Variants in COL17A1 observed in about 807,000 individuals in gnomAD.
COL17A1 encodes collagen alpha-1(XVII) chain.
In COL17A1, 181 loss-of-function variants were observed where a neutral mutation model predicts 218.4. The observed-to-expected ratio is 0.83, with a 90% CI of 0.73 to 0.94. COL17A1 has a LOEUF of 0.94. Ranked by LOEUF, COL17A1 falls within the 40% of genes least tolerant of loss-of-function variation. The pLI is 0.00. For synonymous variants in COL17A1, 721 were observed against 731.0 expected, an observed-to-expected ratio of 0.99 and a Z score of 0.22; for missense variants, 1,924 against 1,945.9, an observed-to-expected ratio of 0.99 and a Z score of 0.21.
At chr10:104,047,833 G>A (rs1589563551) in intron 30 of COL17A1, 23 bp from the exon 31 acceptor site, 3 of 1,600,894 alleles carry the variant, frequency 1.9e-6, no homozygotes, top group Non-Finnish European at 1.7e-6. Flanking sequence ...TGGCCAACGT[G>A]GAAGTGTTTA....
chr10:104,052,598 C>T (rs1225545789), intron 23 of COL17A1, among the ~76,000 whole-genome samples: 3 of 152,296 alleles, frequency 2.0e-5, no homozygotes, highest in African/African-American at 7.2e-5. Context: ...CCTTCCCCAG[C>T]CTCTCCAGCA....
intron 28 of COL17A1, 91 bp downstream of exon 28, chr10:104,049,998 G>A: frequency 6.3e-7 from 1 of 1,592,892 alleles, no homozygotes; most frequent in Non-Finnish European, 8.6e-7. Flanking sequence ...AACAGATTCG[G>A]TCTCTTACTT....
intron 32 of COL17A1, among the ~76,000 whole-genome samples, chr10:104,046,382 A>T (rs1414940874): frequency 6.6e-6 from 1 of 152,172 alleles, no homozygotes; most frequent in African/African-American, 2.4e-5. Flanking sequence ...AACAAGGATG[A>T]GCGCCCATGC....
chr10:104,050,084 C>T lies in COL17A1; in HGVS notation c.2164+5G>A. On this transcript the variant is annotated splice_donor_5th_base_variant and intron_variant, in intron 28 of 55. Transcript: ENST00000648076. ...GATTAAAGTAGATTCCCATGACAGA[C>T]TGACCTGTGAGGCCTCGAGGTCCTT... The T allele has an allele frequency of 6.2e-7, 1 of 1,614,168 alleles. No homozygotes were observed. Among genetic ancestry groups the T allele is most frequent in the Admixed American group, 1.7e-5 (1 of 60,020 alleles).
Position 104,070,509 on chromosome 10 carries a change from G to A in COL17A1, c.524C>T (p.Pro175Leu), listed in dbSNP as rs1325950406. 1 of 1,613,986 alleles carries A rather than the reference G, an allele frequency of 6.2e-7. No homozygotes were observed. Among genetic ancestry groups the A allele is most frequent in the Non-Finnish European group, 8.5e-7 (1 of 1,180,024 alleles). The stretch of plus-strand genomic sequence containing the variant: ...GAGTGTGTTGGAGGAATTCCGGGTG[G>A]GGCTCACACTTGCCGATCGACTCCC... ...LKGSRSASVS[P>L]TRNSSNTLPI... The change falls in exon 9 of 56, where the codon CCC becomes CTC. Residue 175 changes from proline to leucine, a missense_variant. By Grantham distance (98) the Pro-to-Leu change is moderately conservative. Transcript: ENST00000648076.
At chr10:104,045,693 C>G in intron 33 of COL17A1, 65 bp downstream of exon 33, 2 of 1,339,822 alleles carry the variant, frequency 1.5e-6, no homozygotes, top group East Asian at 2.3e-5. Flanking sequence ...CTCCTCCTGT[C>G]CATCCCTTCC....
At chr10:104,083,494 T>C (rs1363254697) in intron 1 of COL17A1, among the ~76,000 whole-genome samples, 4 of 152,264 alleles carry the variant, frequency 2.6e-5, no homozygotes, top group African/African-American at 7.2e-5. Flanking sequence ...GGCTATTTTA[T>C]AGCTAATGTT....
chr10:104,070,163 C>G (rs982576207), intron 9 of COL17A1, among the ~76,000 whole-genome samples: 3 of 152,158 alleles, frequency 2.0e-5, no homozygotes, highest in South Asian at 2.1e-4. Context: ...CCTCTACCCC[C>G]TAAACCATAA....
intron 12 of COL17A1, among the ~76,000 whole-genome samples, chr10:104,061,902 C>A (rs1009489786): frequency 2.0e-5 from 3 of 152,164 alleles, no homozygotes; most frequent in Non-Finnish European, 4.4e-5. Context: ...ACAGCGGTGG[C>A]AACCTGTAGG....
chr10:104,053,035 T>A lies in COL17A1; in HGVS notation c.1935A>T (p.Glu645Asp), dbSNP rs776546832. Residue 645 changes from glutamate to aspartate, a missense_variant, in exon 23 of 56, where the codon GAA becomes GAT. Physicochemically the swap from Glu to Asp is conservative, Grantham distance 45 (BLOSUM62 2). Transcript: ENST00000648076. Reference sequence around the variant, plus strand: ...GGTGAAGGAATTGCCTCTTACCTCTTTCCCCTTTCTCTCCAGATCCAGGAG... The same window carrying A: ...GGTGAAGGAATTGCCTCTTACCTCTATCCCCTTTCTCTCCAGATCCAGGAG... ...AGPPGSGEKG[E>D]RGAAGEPGPH... The A allele has an allele frequency of 6.2e-7, 1 of 1,614,100 alleles. No individual in the cohort carries two copies. The highest frequency in any genetic ancestry group is 1.1e-5 in the South Asian group (1 of 91,080).
chr10:104,080,615 C>T lies in COL17A1; in HGVS notation c.52+7G>A, dbSNP rs542735724. 3.1e-6 allele frequency: 5 copies of T among 1,612,356 alleles called. No individual in the cohort carries two copies. Among genetic ancestry groups the T allele is most frequent in the South Asian group, 2.2e-5 (2 of 90,968 alleles). ...ACACATAAATTAAAAAATTCTGATG[C>T]TCTTACTTCTCTCAGTGACTTCAGT... On this transcript the variant is annotated splice_region_variant and intron_variant, in intron 2 of 55. Transcript: ENST00000648076.
chr10:104,034,333 A>C lies in COL17A1; in HGVS notation c.3768T>G (p.Ser1256Arg). 6.4e-7 allele frequency: 1 copy of C among 1,550,658 alleles called. No homozygotes were observed. The highest frequency in any genetic ancestry group is 1.4e-5 in the African/African-American group (1 of 72,824). Residue 1256 changes from serine (S) to arginine (R), a missense_variant and splice_region_variant, in exon 52 of 56, where the codon AGT becomes AGG. Coordinates refer to ENST00000648076, the MANE Select transcript of COL17A1 (RefSeq NM_000494.4). The part of the protein sequence containing the change: ...FRSELISYLT[S>R]PDVRSFIVGP... ...CAACAATGAAGCTGCGCACATCAGGACCTGCAGGGTGAGAAGCTGCATGAG... is the reference window on the plus strand; with the variant it reads ...CAACAATGAAGCTGCGCACATCAGGCCCTGCAGGGTGAGAAGCTGCATGAG...
intron 30 of COL17A1, 73 bp from the exon 31 acceptor site, chr10:104,047,883 T>G: frequency 6.9e-7 from 1 of 1,455,696 alleles, no homozygotes; most frequent in Non-Finnish European, 9.7e-7. Context: ...TCTGAACTGA[T>G]AGTTTCTGAG....
chr10:104,074,359 T>A, intron 5 of COL17A1, 128 bp from the exon 6 acceptor site: 1 of 1,336,582 alleles, frequency 7.5e-7, no homozygotes, highest in Non-Finnish European at 1.1e-6. Context: ...GGGAATGAGG[T>A]ATGCTCTTCA....
At chr10:104,035,098 C>T (rs1192313665) in intron 50 of COL17A1, among the ~76,000 whole-genome samples, 165 bp downstream of exon 50, 1 of 152,212 alleles carries the variant, frequency 6.6e-6, no homozygotes, top group East Asian at 1.9e-4. Context: ...CTGTCCCTGC[C>T]ACGGCTGAAG....
chr10:104,080,815 AT>A, intron 1 of COL17A1, 131 bp from the exon 2 acceptor site: 1 of 935,786 alleles, frequency 1.1e-6, no homozygotes, highest in Non-Finnish European at 1.7e-6. Flanking sequence ...TCACGTGAAT[AT>A]TTTTTATGAG....
chr10:104,038,618 G>A, intron 44 of COL17A1, 90 bp from the exon 45 acceptor site: 1 of 1,523,456 alleles, frequency 6.6e-7, no homozygotes, highest in Non-Finnish European at 9.0e-7. Flanking sequence ...TCTGAGGAGG[G>A]AGGGTCTTCT....
intron 52 of COL17A1, 67 bp downstream of exon 52, chr10:104,033,878 A>G: frequency 1.9e-6 from 3 of 1,608,128 alleles, no homozygotes; most frequent in African/African-American, 2.7e-5. Context: ...CACAAACAAG[A>G]AAGCCAGTCT....
intron 14 of COL17A1, 105 bp from the exon 15 acceptor site, chr10:104,059,823 G>A (rs2134626758): frequency 8.3e-7 from 1 of 1,207,670 alleles, no homozygotes; most frequent in South Asian, 1.2e-5. Flanking sequence ...GGAAGGTCTA[G>A]GTTAGACTGG....
Sources: gnomAD v4.1 joint callset for allele counts (sites outside exome capture counted in the v4.1 genomes callset) on GRCh38, gnomAD v4.1.1 for gene constraint, MANE v1.5 for transcripts, NCBI Gene and HGNC (gene_info 2026-07-23, HGNC 2026-07-21) for gene names.